Variants in MPP7 observed in about 807,000 individuals in gnomAD.
The protein encoded by MPP7 is MAGUK p55 scaffold protein 7, also known as MAGUK p55 subfamily member 7.
Under a neutral mutation model 76.5 loss-of-function variants are expected in MPP7, and 60 were observed. The ratio of observed to expected loss-of-function variants is 0.78; its 90% CI spans 0.64 to 0.97. The LOEUF (loss-of-function observed/expected upper bound fraction) is 0.97. MPP7 is among the 50% of genes least tolerant of loss of function. The probability of loss-of-function intolerance (pLI) is 0.00; values close to 1 mark genes in which losing one functional copy is unlikely to be tolerated. For synonymous variants in MPP7, 237 were observed against 244.5 expected (o/e 0.97, Z 0.29); for missense variants, 641 against 694.0 (o/e 0.92, Z 0.86).
chr10:28,224,730 T>C (rs894385668), intron 2 of MPP7, among the ~76,000 whole-genome samples: 8 of 152,120 alleles, frequency 5.3e-5, no homozygotes, highest in African/African-American at 1.4e-4. Context: ...TGGAGAAAGT[T>C]AACAGGATTC....
intron 3 of MPP7, among the ~76,000 whole-genome samples, chr10:28,187,291 T>C (rs1013312815): frequency 1.3e-5 from 2 of 152,210 alleles, no homozygotes; most frequent in African/African-American, 4.8e-5. Context: ...AGAGTATGAA[T>C]TACAAAGGCA....
upstream of MPP7, among the ~76,000 whole-genome samples, chr10:28,306,722 T>C (rs2133169781): frequency 6.6e-6 from 1 of 150,700 alleles, no homozygotes; most frequent in African/African-American, 2.5e-5. Context: ...AGATGATAGA[T>C]AATAGATAGT....
intron 11 of MPP7, among the ~76,000 whole-genome samples, chr10:28,093,890 G>C (rs12414784): frequency 0.082 from 12,523 of 152,236 alleles, 966 homozygotes; most frequent in African/African-American, 0.2. Flanking sequence ...TGCAAGGCTT[G>C]CTACAGAACA....
chr10:28,124,207 T>C, intron 7 of MPP7, 91 bp from the exon 8 acceptor site: 3 of 858,264 alleles, frequency 3.5e-6, no homozygotes. Context: ...CATTGTTAGG[T>C]TCCCTTAATA....
chr10:28,251,012 T>C (rs1053087468), intron 1 of MPP7, among the ~76,000 whole-genome samples: 9 of 152,240 alleles, frequency 5.9e-5, no homozygotes, highest in Non-Finnish European at 4.4e-5. Flanking sequence ...GAATTCATGT[T>C]AACAAAGGCA....
chr10:28,245,932 C>T (rs1042714174), intron 1 of MPP7, among the ~76,000 whole-genome samples: 2 of 151,116 alleles, frequency 1.3e-5, no homozygotes, highest in African/African-American at 4.9e-5. Flanking sequence ...TCATATGACA[C>T]TATAAAGTCA....
At chr10:28,089,304 G>C (rs1853171884) in intron 12 of MPP7, among the ~76,000 whole-genome samples, 2 of 152,156 alleles carry the variant, frequency 1.3e-5, no homozygotes, top group South Asian at 4.1e-4. Context: ...AGGTCTAAAT[G>C]CCATCTGAAG....
chr10:28,303,909 AG>A (rs1388898876), upstream of MPP7, among the ~76,000 whole-genome samples: 8 of 152,230 alleles, frequency 5.3e-5, no homozygotes, highest in Non-Finnish European at 1.0e-4. Context: ...TAATGTGGAC[AG>A]CACTACACTG....
chr10:28,306,664 T>TAGAAAGAGAG (rs772241963), upstream of MPP7, among the ~76,000 whole-genome samples: 1 of 41,228 alleles, frequency 2.4e-5, no homozygotes, highest in African/African-American at 8.2e-5. Context: ...AGATGATAGA[T>TAGAAAGAGAG]AGATAGAGAG....
chr10:28,283,711 C>T (rs1255390037), intron 1 of MPP7, among the ~76,000 whole-genome samples: 2 of 151,976 alleles, frequency 1.3e-5, no homozygotes, highest in Non-Finnish European at 2.9e-5. Flanking sequence ...GACGAGGTTT[C>T]TCCATGTTGG....
intron 2 of MPP7, among the ~76,000 whole-genome samples, chr10:28,316,582 A>G (rs1834323496): frequency 6.6e-6 from 1 of 151,970 alleles, no homozygotes; most frequent in Admixed American, 6.6e-5. Flanking sequence ...TAGTAAGGGG[A>G]ACTAGGAGCA....
chr10:28,217,197 A>G (rs1838337425), intron 2 of MPP7, among the ~76,000 whole-genome samples: 2 of 152,152 alleles, frequency 1.3e-5, no homozygotes, highest in East Asian at 3.9e-4. Flanking sequence ...CAACAAGGCT[A>G]TCCTTTAGAC....
intron 1 of MPP7, among the ~76,000 whole-genome samples, chr10:28,277,026 C>A (rs1840521824): frequency 6.6e-6 from 1 of 151,258 alleles, no homozygotes; most frequent in South Asian, 2.1e-4. Context: ...GATGCTGCCT[C>A]TACAAAAAAA....
chr10:28,072,370 C>A (rs1412790580), intron 12 of MPP7, among the ~76,000 whole-genome samples: 1 of 151,820 alleles, frequency 6.6e-6, no homozygotes, highest in Non-Finnish European at 1.5e-5. Context: ...CAGGCTGCAT[C>A]ATCTCCTCAG....
chr10:28,199,202 G>T (rs914008431), intron 3 of MPP7, among the ~76,000 whole-genome samples: 2 of 151,984 alleles, frequency 1.3e-5, no homozygotes, highest in African/African-American at 4.8e-5. Flanking sequence ...TATCTCCCGC[G>T]GGGTCCTTCC....
At chr10:28,178,467 C>T (rs1016464867) in intron 3 of MPP7, among the ~76,000 whole-genome samples, 8 of 151,766 alleles carry the variant, frequency 5.3e-5, no homozygotes, top group African/African-American at 1.9e-4. Context: ...AAAAAAGTCC[C>T]AGAGTAAAGA....
intron 1 of MPP7, among the ~76,000 whole-genome samples, chr10:28,266,244 G>A (rs2132987689): frequency 6.6e-6 from 1 of 152,188 alleles, no homozygotes. Context: ...ACAAACTTGA[G>A]CTACTGTGCC....
intron 1 of MPP7, among the ~76,000 whole-genome samples, chr10:28,288,136 G>A (rs958169509): frequency 4.0e-5 from 6 of 151,866 alleles, no homozygotes; most frequent in African/African-American, 1.4e-4. Context: ...ATAGAGAACC[G>A]CAAAAATGTA....
At chr10:28,164,809 G>A (rs193085748) in intron 3 of MPP7, among the ~76,000 whole-genome samples, 120 of 152,234 alleles carry the variant, frequency 7.9e-4, no homozygotes, top group African/African-American at 2.6e-3. Context: ...ACTCAGAAGT[G>A]GGGCAGGGCT....
Sources: allele counts gnomAD v4.1 joint callset (sites outside exome capture counted in the v4.1 genomes callset), GRCh38; gene constraint gnomAD v4.1.1; transcripts MANE v1.5; gene names NCBI Gene and HGNC (gene_info 2026-07-23, HGNC 2026-07-21).